The following FSTL1 variants were observed in gnomAD, a reference collection of about 807,000 sequenced individuals.
FSTL1 encodes follistatin like 1.
Under a neutral mutation model 45.9 loss-of-function variants are expected in FSTL1, and 24 were observed. The ratio of observed to expected loss-of-function variants is 0.52; its 90% confidence interval spans 0.38 to 0.74. FSTL1 has a LOEUF of 0.74. Among genes scored for constraint, FSTL1 ranks in the 30% least tolerant of loss-of-function variants. The pLI is 0.00. For synonymous variants in FSTL1, 120 were observed against 137.6 expected (o/e 0.87, Z 0.89); for missense variants, 340 against 381.8 (o/e 0.89, Z 0.91).
In FSTL1 at chr3:120,415,996, G is replaced by T; in HGVS notation, c.95C>A (p.Ala32Asp). 1 of 1,613,762 alleles carries T rather than the reference G, an allele frequency of 6.2e-7. No homozygotes were observed. Among genetic ancestry groups the T allele is most frequent in the Non-Finnish European group, 8.5e-7 (1 of 1,179,674 alleles). The change falls in exon 3 of 11, where the codon GCC becomes GAC. Residue 32 changes from alanine to aspartate, a missense_variant. Transcript: ENST00000295633. ...EELRSKSKIC[A>D]NVFCGAGREC... is the part of the protein sequence containing the mutation. The stretch of plus-strand genomic sequence containing the variant: ...CCGGCCGGCTCCACAAAACACATTG[G>T]CACAGATCTTGGATTTGCTCCTTAG...
intron 3 of FSTL1, among the ~76,000 whole-genome samples, chr3:120,413,744 GCTCT>G (rs1254478939): frequency 6.1e-5 from 9 of 146,744 alleles, no homozygotes; most frequent in African/African-American, 2.3e-4. Flanking sequence ...TTTATCAAAG[GCTCT>G]CTTTGTTTTT....
chr3:120,445,747 C>T (rs1937724209), intron 2 of FSTL1, among the ~76,000 whole-genome samples: 1 of 149,690 alleles, frequency 6.7e-6, no homozygotes, highest in Non-Finnish European at 1.5e-5. Flanking sequence ...TAAACTGTAG[C>T]TGCCACGATT....
At chr3:120,413,948 T>G (rs1421375265) in intron 3 of FSTL1, among the ~76,000 whole-genome samples, 1 of 151,982 alleles carries the variant, frequency 6.6e-6, no homozygotes, top group East Asian at 1.9e-4. Context: ...TGCGCCGCCA[T>G]GCCTGACTGG....
intron 10 of FSTL1, 63 bp downstream of exon 10, chr3:120,399,820 T>C (rs963572775): frequency 3.0e-5 from 33 of 1,110,444 alleles, no homozygotes; most frequent in Non-Finnish European, 4.4e-5. Flanking sequence ...TGGGCAGTGT[T>C]TGAATGGTAT....
intron 9 of FSTL1, among the ~76,000 whole-genome samples, chr3:120,401,635 T>A (rs1936828906): frequency 2.0e-5 from 3 of 152,050 alleles, no homozygotes; most frequent in Admixed American, 2.0e-4. Flanking sequence ...CAGGCTAGAA[T>A]GCAGTGGCGT....
At chr3:120,412,982 A>G (rs2107656179) in intron 3 of FSTL1, among the ~76,000 whole-genome samples, 1 of 152,260 alleles carries the variant, frequency 6.6e-6, no homozygotes, top group South Asian at 2.1e-4. Context: ...AGCTAGGAGT[A>G]GGGTTGCCTG....
chr3:120,403,856 G>A (rs1431330775), intron 7 of FSTL1, among the ~76,000 whole-genome samples: 1 of 139,184 alleles, frequency 7.2e-6, no homozygotes, highest in Non-Finnish European at 1.5e-5. Flanking sequence ...AGCTCCATCA[G>A]CTTGCAGTGA....
intron 2 of FSTL1, among the ~76,000 whole-genome samples, chr3:120,448,940 C>T (rs1937818221): frequency 6.6e-6 from 1 of 152,220 alleles, no homozygotes. Context: ...CACACACTGG[C>T]TGGCAATTCT....
rs755359984 is a variant in FSTL1, at chr3:120,411,995, C to T, written c.169-12G>A. 6.2e-7 allele frequency: 1 copy of T among 1,605,734 alleles called. No individual in the cohort carries two copies. ...TGAGGTTTGCATTGCTGAAACAGAC[C>T]CAAAAGAGAATGTTTGTGCAGTTAT... On this transcript the variant is annotated splice_polypyrimidine_tract_variant and intron_variant, in intron 3 of 10. Coordinates refer to ENST00000295633, the MANE Select transcript of FSTL1 (RefSeq NM_007085.5).
At chr3:120,437,062 C>A (rs947966626) in intron 2 of FSTL1, among the ~76,000 whole-genome samples, 1 of 152,192 alleles carries the variant, frequency 6.6e-6, no homozygotes, top group South Asian at 2.1e-4. Flanking sequence ...GATAGAAATT[C>A]CACTGTATCA....
chr3:120,430,301 C>T (rs1937454538), intron 2 of FSTL1, among the ~76,000 whole-genome samples: 1 of 152,180 alleles, frequency 6.6e-6, no homozygotes, highest in South Asian at 2.1e-4. Flanking sequence ...GGTGGTGACC[C>T]TCTTCTCAAC....
In FSTL1 at chr3:120,415,276, G is replaced by C. The variant is rs571258494; in HGVS notation, c.168+647C>G. On this transcript the variant is annotated intron_variant, in intron 3 of 10. Transcript: ENST00000295633. The stretch of plus-strand genomic sequence containing the variant: ...AGGGTATTTGCACAAGGATGTTATT[G>C]GTTATAGTGGTAAACAACCCAAAGA... Among the ~76,000 whole-genome samples the C allele has an allele frequency of 1.3e-4, 20 of 152,260 alleles. 1 individual carries two copies. In the South Asian group the frequency reaches 4.2e-3, roughly 32 times the overall value.
chr3:120,450,851 G>A, intron 1 of FSTL1, 46 bp downstream of exon 1: 2 of 768,158 alleles, frequency 2.6e-6, no homozygotes, highest in Admixed American at 3.5e-5. Context: ...AAGCACCCCC[G>A]GCCGCCCGAA....
intron 2 of FSTL1, among the ~76,000 whole-genome samples, chr3:120,419,887 C>T (rs1423355093): frequency 6.6e-6 from 1 of 152,182 alleles, no homozygotes. Context: ...CTGAGTGAGG[C>T]TCTGCAGATA....
chr3:120,409,506 T>A, intron 6 of FSTL1, 26 bp downstream of exon 6: 1 of 1,608,668 alleles, frequency 6.2e-7, no homozygotes, highest in Non-Finnish European at 8.5e-7. Flanking sequence ...TGGGCCTGAA[T>A]AGTCTTCCTC....
intron 2 of FSTL1, among the ~76,000 whole-genome samples, chr3:120,425,062 G>A (rs916511): frequency 0.72 from 108,784 of 151,872 alleles, 40,525 homozygotes; most frequent in Middle Eastern, 0.82. Flanking sequence ...AGCAGGAAGA[G>A]CAGCCCACAA....
At chr3:120,445,230 G>C (rs1937711894) in intron 2 of FSTL1, among the ~76,000 whole-genome samples, 1 of 149,840 alleles carries the variant, frequency 6.7e-6, no homozygotes, top group African/African-American at 2.5e-5. Flanking sequence ...GCACATCCTT[G>C]TAGCTAACAA....
intron 2 of FSTL1, among the ~76,000 whole-genome samples, chr3:120,440,526 A>G (rs565884473): frequency 5.9e-5 from 9 of 152,312 alleles, no homozygotes; most frequent in Admixed American, 3.3e-4. Context: ...CCCTGTCCCA[A>G]TACTTCTCAC....
rs1471310618 is a variant in FSTL1 at position 120,410,975 on chromosome 3, GATTTCTTCTCTGCAAGACAAAA to G, written c.299-13_307del. Reference sequence around the variant, plus strand: ...ACCTGGGCTGGCAGATGGACTTACGGATTTCTTCTCTGCAAGACAAAAAGAGAAAACGTGTAATGCGAAGTGA... The same window carrying G: ...ACCTGGGCTGGCAGATGGACTTACGGAGAGAAAACGTGTAATGCGAAGTGA... On this transcript the variant is annotated splice_acceptor_variant and splice_polypyrimidine_tract_variant and coding_sequence_variant and intron_variant, in exon 5 of 11. Transcript: ENST00000295633. LOFTEE classifies it high-confidence loss of function. The G allele has an allele frequency of 6.2e-7, 1 of 1,609,040 alleles. No homozygotes were observed. Among genetic ancestry groups the G allele is most frequent in the Non-Finnish European group, 8.5e-7 (1 of 1,176,276 alleles).
Sources: gnomAD v4.1 joint callset for allele counts (sites outside exome capture counted in the v4.1 genomes callset) on GRCh38, gnomAD v4.1.1 for gene constraint, MANE v1.5 for transcripts, NCBI Gene and HGNC (gene_info 2026-07-23, HGNC 2026-07-21) for gene names.